EBF1: variants seen among roughly 807,000 people sequenced by gnomAD.
EBF1 encodes the protein EBF transcription factor 1.
A neutral mutation model predicts 68.4 loss-of-function variants in EBF1; 10 were observed. The ratio of observed to expected loss-of-function variants is 0.15; its 90% CI spans 0.09 to 0.25. The LOEUF (loss-of-function observed/expected upper bound fraction) is 0.25, where lower values mean the gene tolerates loss of function less well. Among genes scored for constraint, EBF1 ranks in the 10% least tolerant of loss-of-function variants. The pLI, the probability that EBF1 is intolerant of heterozygous loss-of-function variation, is 1.00. For missense variants in EBF1, 509 were observed against 794.4 expected, an observed-to-expected ratio of 0.64 and a Z score of 4.32; for synonymous variants, 298 against 299.8, an observed-to-expected ratio of 0.99 and a Z score of 0.06.
chr5:158,900,287 G>A (rs567713565), intron 6 of EBF1, among the ~76,000 whole-genome samples: 9 of 152,210 alleles, frequency 5.9e-5, no homozygotes, highest in East Asian at 1.9e-4. Context: ...AGACCTGGGC[G>A]GTGGGAGAGG....
chr5:159,064,899 C>CTTTTTTTTTTTTTTTT (rs57256923), intron 6 of EBF1, among the ~76,000 whole-genome samples: 7 of 67,910 alleles, frequency 1.0e-4, no homozygotes, highest in African/African-American at 1.8e-4. Flanking sequence ...CTCTTTTCAT[C>CTTTTTTTTTTTTTTTT]TTTTTTTTTT....
intron 10 of EBF1, among the ~76,000 whole-genome samples, chr5:158,764,509 C>T (rs1324697419): frequency 1.3e-5 from 2 of 152,138 alleles, no homozygotes; most frequent in East Asian, 1.9e-4. Context: ...CATCTCACTC[C>T]GTGCTGGGCA....
At chr5:159,003,797 C>G (rs901702709) in intron 6 of EBF1, among the ~76,000 whole-genome samples, 1 of 152,178 alleles carries the variant, frequency 6.6e-6, no homozygotes, top group African/African-American at 2.4e-5. Flanking sequence ...TCACTGCTCC[C>G]GTTCTAAAGA....
intron 8 of EBF1, among the ~76,000 whole-genome samples, chr5:158,822,858 T>G (rs1785161250): frequency 6.6e-6 from 1 of 152,232 alleles, no homozygotes; most frequent in South Asian, 2.1e-4. Context: ...TGGCCTTTCC[T>G]TATTTTGTAA....
chr5:158,839,471 C>A (rs745628823), intron 7 of EBF1, among the ~76,000 whole-genome samples: 13 of 152,192 alleles, frequency 8.5e-5, no homozygotes, highest in Non-Finnish European at 1.6e-4. Flanking sequence ...CAACCTCCAA[C>A]TCCCGGGTTC....
chr5:158,928,003 A>T (rs1810041949), intron 6 of EBF1, among the ~76,000 whole-genome samples: 1 of 152,158 alleles, frequency 6.6e-6, no homozygotes, highest in Non-Finnish European at 1.5e-5. Flanking sequence ...ACCACTCTAT[A>T]ATGTTCTAAA....
intron 6 of EBF1, among the ~76,000 whole-genome samples, chr5:159,009,373 C>T (rs534543229): frequency 5.6e-4 from 85 of 152,280 alleles, no homozygotes; most frequent in African/African-American, 1.9e-3. Context: ...CCCTCAACCT[C>T]GTGATTGTGT....
At chr5:158,987,335 T>C (rs1759296135) in intron 6 of EBF1, 1 of 152,244 alleles carries the variant, frequency 6.6e-6, no homozygotes, top group African/African-American at 2.4e-5. Context: ...TGCACCACTA[T>C]TGTTATTTTT....
chr5:158,820,103 C>G (rs1480952426), intron 8 of EBF1, among the ~76,000 whole-genome samples: 1 of 152,036 alleles, frequency 6.6e-6, no homozygotes, highest in African/African-American at 2.4e-5. Context: ...AACAGTCTGA[C>G]AAGCAGGATA....
At chr5:158,923,400 C>A (rs990047704) in intron 6 of EBF1, among the ~76,000 whole-genome samples, 2 of 152,128 alleles carry the variant, frequency 1.3e-5, no homozygotes, top group Admixed American at 1.3e-4. Context: ...AAAATGAATC[C>A]ATCTTTCAGT....
At chr5:158,954,991 AT>A (rs1370474788) in intron 6 of EBF1, among the ~76,000 whole-genome samples, 5 of 151,952 alleles carry the variant, frequency 3.3e-5, no homozygotes, top group African/African-American at 4.8e-5. Flanking sequence ...TGTGCCAAGC[AT>A]TTTTTTTCCC....
chr5:158,839,495 A>C (rs920671836), intron 7 of EBF1, among the ~76,000 whole-genome samples: 1 of 151,930 alleles, frequency 6.6e-6, no homozygotes, highest in African/African-American at 2.4e-5. Flanking sequence ...TGATCTTCCT[A>C]CCTTAGCCTC....
intron 7 of EBF1, among the ~76,000 whole-genome samples, chr5:158,830,218 G>A (rs1467200588): frequency 6.6e-6 from 1 of 152,084 alleles, no homozygotes; most frequent in African/African-American, 2.4e-5. Flanking sequence ...GCAGAGGCAA[G>A]CCTGAAGGGA....
At chr5:159,086,833 A>C (rs971132508) in intron 4 of EBF1, among the ~76,000 whole-genome samples, 2 of 152,106 alleles carry the variant, frequency 1.3e-5, no homozygotes, top group Admixed American at 6.6e-5. Flanking sequence ...TCAAATTTTC[A>C]TCCACTAGTT....
intron 6 of EBF1, among the ~76,000 whole-genome samples, chr5:158,988,699 G>A (rs1424004059): frequency 1.3e-5 from 2 of 152,034 alleles, no homozygotes; most frequent in African/African-American, 4.8e-5. Flanking sequence ...TCTGCTTCCC[G>A]AACTTATCAA....
intron 9 of EBF1, among the ~76,000 whole-genome samples, chr5:158,796,086 G>A (rs1779567028): frequency 6.6e-6 from 1 of 152,022 alleles, no homozygotes; most frequent in South Asian, 2.1e-4. Flanking sequence ...TCCACACCAT[G>A]GCAAGCCCAA....
At chr5:158,756,125 T>C (rs1770029266) in intron 10 of EBF1, among the ~76,000 whole-genome samples, 1 of 152,130 alleles carries the variant, frequency 6.6e-6, no homozygotes, top group East Asian at 1.9e-4. Flanking sequence ...TGAGTTCTAC[T>C]GGAGTCTTGG....
chr5:159,061,357 T>C (rs1166967887), intron 6 of EBF1, among the ~76,000 whole-genome samples: 1 of 151,888 alleles, frequency 6.6e-6, no homozygotes, highest in African/African-American at 2.4e-5. Context: ...CTGCCATCTA[T>C]GACTGCACAC....
chr5:158,955,620 T>C (rs1816901020), intron 6 of EBF1, among the ~76,000 whole-genome samples: 1 of 152,342 alleles, frequency 6.6e-6, no homozygotes, highest in East Asian at 1.9e-4. Context: ...CTTGAGAGCA[T>C]TTGCAGCTCT....
Sources: allele counts gnomAD v4.1 joint callset (sites outside exome capture counted in the v4.1 genomes callset), GRCh38; gene constraint gnomAD v4.1.1; transcripts MANE v1.5; gene names NCBI Gene and HGNC (gene_info 2026-07-23, HGNC 2026-07-21).